The following CD2AP variants were observed in gnomAD, a reference collection of about 807,000 sequenced individuals.
The protein encoded by CD2AP is CD2-associated protein.
Under a neutral mutation model 85.1 loss-of-function variants are expected in CD2AP, and 46 were observed. The observed-to-expected ratio is 0.54, with a 90% confidence interval of 0.43 to 0.69. The LOEUF (loss-of-function observed/expected upper bound fraction) is 0.69, where lower values mean the gene tolerates loss of function less well. CD2AP is among the 30% of genes least tolerant of loss of function. CD2AP has a pLI of 0.00. For synonymous variants in CD2AP, 255 were observed against 252.9 expected (o/e 1.01, Z -0.08); for missense variants, 769 against 729.5 (o/e 1.05, Z -0.62).
At chr6:47,499,585 C>T (rs966819440) in intron 1 of CD2AP, among the ~76,000 whole-genome samples, 2 of 152,114 alleles carry the variant, frequency 1.3e-5, no homozygotes, top group African/African-American at 4.8e-5. Context: ...TGTTGTTACT[C>T]CCCACCCTTA....
chr6:47,596,816 A>T (rs1191389282), intron 12 of CD2AP, among the ~76,000 whole-genome samples: 8 of 151,954 alleles, frequency 5.3e-5, no homozygotes, highest in African/African-American at 1.7e-4. Flanking sequence ...TATCTTTTTA[A>T]TTTCTCGAGG....
chr6:47,576,517 A>G lies in CD2AP; in HGVS notation c.730-7A>G, dbSNP rs368514132. The G allele has an allele frequency of 1.2e-4, 186 of 1,593,112 alleles. No homozygotes were observed. Among genetic ancestry groups the G allele is most frequent in the Non-Finnish European group, 1.5e-4 (171 of 1,161,572 alleles). ...AAAATAGTTTATGCCATTTTTTTCT[A>G]TTCTAGCCCTTAATCCTACAGTCAC... On this transcript the variant is annotated splice_region_variant and splice_polypyrimidine_tract_variant and intron_variant, in intron 6 of 17. Coordinates refer to ENST00000359314, the MANE Select transcript of CD2AP (RefSeq NM_012120.3).
At chr6:47,585,145 A>T (rs1016492818) in intron 11 of CD2AP, among the ~76,000 whole-genome samples, 41 of 151,860 alleles carry the variant, frequency 2.7e-4, no homozygotes, top group Admixed American at 1.5e-3. Context: ...TAAAATAAAA[A>T]AAAAAAAACC....
At chr6:47,493,573 C>G (rs962926037) in intron 1 of CD2AP, among the ~76,000 whole-genome samples, 3 of 151,820 alleles carry the variant, frequency 2.0e-5, no homozygotes, top group Admixed American at 2.0e-4. Context: ...ATTTTGTTCT[C>G]TTAGTTTTCC....
At chr6:47,485,444 GAA>G (rs1019891341) in intron 1 of CD2AP, among the ~76,000 whole-genome samples, 5 of 152,064 alleles carry the variant, frequency 3.3e-5, no homozygotes, top group East Asian at 1.9e-4. Flanking sequence ...TATAAGGAAA[GAA>G]AATATTTTTG....
intron 6 of CD2AP, 103 bp downstream of exon 6, chr6:47,574,354 A>G (rs536276372): frequency 8.0e-5 from 87 of 1,084,456 alleles, no homozygotes; most frequent in Non-Finnish European, 1.1e-4. Flanking sequence ...TCTTTTTTTC[A>G]GATCACTAAT....
At chr6:47,570,251 T>TA (rs960768275) in intron 5 of CD2AP, among the ~76,000 whole-genome samples, 1 of 152,146 alleles carries the variant, frequency 6.6e-6, no homozygotes, top group Non-Finnish European at 1.5e-5. Flanking sequence ...TATATGAAGA[T>TA]ACAAGCCATC....
chr6:47,549,797 T>C (rs1044298383), intron 4 of CD2AP, among the ~76,000 whole-genome samples: 13 of 152,146 alleles, frequency 8.5e-5, no homozygotes, highest in Admixed American at 2.6e-4. Flanking sequence ...TCACATTACC[T>C]GATTTCAAAT....
chr6:47,572,029 T>TGTTAA (rs1313666756), intron 5 of CD2AP, among the ~76,000 whole-genome samples: 1 of 152,166 alleles, frequency 6.6e-6, no homozygotes, highest in East Asian at 1.9e-4. Context: ...ACATACAGGA[T>TGTTAA]GTTAAGAAGC....
At chr6:47,592,688 T>G (rs1430255206) in intron 11 of CD2AP, among the ~76,000 whole-genome samples, 1 of 152,136 alleles carries the variant, frequency 6.6e-6, no homozygotes, top group Non-Finnish European at 1.5e-5. Flanking sequence ...TGTTTAGCTT[T>G]CATTAAAAAC....
intron 1 of CD2AP, among the ~76,000 whole-genome samples, chr6:47,485,191 G>GT (rs1472439143): frequency 3.9e-5 from 6 of 152,134 alleles, no homozygotes; most frequent in South Asian, 2.1e-4. Flanking sequence ...ATTAAAAGAA[G>GT]TTAACTGTAA....
chr6:47,482,504 G>A (rs1376900371), intron 1 of CD2AP, among the ~76,000 whole-genome samples: 1 of 150,700 alleles, frequency 6.6e-6, no homozygotes, highest in African/African-American at 2.4e-5. Flanking sequence ...TCAGCTTCCC[G>A]AGTAGCTGGG....
intron 2 of CD2AP, among the ~76,000 whole-genome samples, chr6:47,518,621 C>T (rs1766510490): frequency 6.6e-6 from 1 of 152,156 alleles, no homozygotes; most frequent in Non-Finnish European, 1.5e-5. Context: ...ATATATGCCT[C>T]TTTGTGTGAA....
chr6:47,486,379 A>G (rs1354712665), intron 1 of CD2AP, among the ~76,000 whole-genome samples: 1 of 152,222 alleles, frequency 6.6e-6, no homozygotes, highest in Non-Finnish European at 1.5e-5. Flanking sequence ...GGAATAAGAC[A>G]ACATAATAAC....
chr6:47,590,746 A>G (rs1308013253), intron 11 of CD2AP, among the ~76,000 whole-genome samples: 4 of 152,082 alleles, frequency 2.6e-5, no homozygotes, highest in Non-Finnish European at 5.9e-5. Flanking sequence ...GGAGGACCAG[A>G]TAGGAGGGAG....
intron 4 of CD2AP, among the ~76,000 whole-genome samples, chr6:47,548,340 A>G (rs901792874): frequency 2.0e-5 from 3 of 152,212 alleles, no homozygotes; most frequent in Non-Finnish European, 2.9e-5. Context: ...AGAAAATCCA[A>G]ATAAGCTCAG....
At chr6:47,560,709 T>G (rs1767835835) in intron 5 of CD2AP, among the ~76,000 whole-genome samples, 1 of 152,196 alleles carries the variant, frequency 6.6e-6, no homozygotes, top group East Asian at 1.9e-4. Flanking sequence ...TGATTAAAAT[T>G]TAATCATAAA....
chr6:47,535,319 G>T (rs1767007803), intron 3 of CD2AP, among the ~76,000 whole-genome samples: 1 of 152,106 alleles, frequency 6.6e-6, no homozygotes, highest in African/African-American at 2.4e-5. Flanking sequence ...TGAAATTATG[G>T]TGTATAAATC....
At chr6:47,595,437 A>G (rs1344674600) in intron 11 of CD2AP, among the ~76,000 whole-genome samples, 2 of 151,838 alleles carry the variant, frequency 1.3e-5, no homozygotes, top group Non-Finnish European at 2.9e-5. Flanking sequence ...TGAATGTTAT[A>G]TAGGACTTGA....
Sources: allele counts gnomAD v4.1 joint callset (sites outside exome capture counted in the v4.1 genomes callset), GRCh38; gene constraint gnomAD v4.1.1; transcripts MANE v1.5; gene names NCBI Gene and HGNC (gene_info 2026-07-23, HGNC 2026-07-21).